Variants in ZNF385C observed in about 807,000 individuals in gnomAD.
ZNF385C encodes the protein CTD-2132N18.2.
A neutral mutation model predicts 35.4 loss-of-function variants in ZNF385C; 28 were observed. The ratio of observed to expected loss-of-function variants is 0.79; its 90% CI spans 0.59 to 1.08. The LOEUF is 1.08. ZNF385C is among the 50% of genes least tolerant of loss of function. The probability of loss-of-function intolerance (pLI) is 0.00; values close to 1 mark genes in which losing one functional copy is unlikely to be tolerated. For missense variants in ZNF385C, 605 were observed against 595.6 expected (o/e 1.02, Z -0.16); for synonymous variants, 248 against 248.2 (o/e 1.00, Z 0.01).
intron 1 of ZNF385C, among the ~76,000 whole-genome samples, chr17:42,080,086 A>G (rs2053732457): frequency 1.3e-5 from 2 of 152,082 alleles, no homozygotes; most frequent in Admixed American, 1.3e-4. Flanking sequence ...GAGAGGCCAG[A>G]GCTGGAAGAA....
chr17:42,031,841 T>C, intron 4 of ZNF385C, 57 bp from the exon 5 acceptor site: 1 of 1,529,882 alleles, frequency 6.5e-7, no homozygotes, highest in Middle Eastern at 2.0e-4. Context: ...ATGCCCCATC[T>C]GTGAACTGGA....
rs1171023790 is a variant in ZNF385C at position 42,063,212 on chromosome 17, G to A, written c.-2-154C>T. Among the ~76,000 whole-genome samples, 4 of 152,284 alleles carry A rather than the reference G, an allele frequency of 2.6e-5. No homozygotes were observed. The South Asian group carries it at 8.3e-4, about 32-fold the overall frequency. On this transcript the variant is annotated intron_variant, in intron 1 of 8. Transcript: ENST00000692273. ...GAGGATGGTGGAAGGGCGCATAATG[G>A]GGTCTATTTCAAGCAAAGCAGCATT...
At chr17:42,077,802 T>C (rs2053700950) in intron 1 of ZNF385C, among the ~76,000 whole-genome samples, 1 of 152,090 alleles carries the variant, frequency 6.6e-6, no homozygotes, top group Admixed American at 6.5e-5. Context: ...ACCCCACCCA[T>C]CATGGGTTCT....
chr17:42,056,818 C>T (rs540788889), intron 2 of ZNF385C, among the ~76,000 whole-genome samples: 7 of 152,256 alleles, frequency 4.6e-5, no homozygotes, highest in African/African-American at 1.4e-4. Flanking sequence ...TGAGACGTGC[C>T]TTTCACCTTC....
chr17:42,043,560 G>A (rs149429564), intron 2 of ZNF385C: 66 of 432,392 alleles, frequency 1.5e-4, no homozygotes, highest in Non-Finnish European at 5.4e-5. Context: ...CTGCCGGTGG[G>A]AGACTGGAGA....
At chr17:42,035,897 G>T (rs372648023) in intron 3 of ZNF385C, among the ~76,000 whole-genome samples, 1 of 152,150 alleles carries the variant, frequency 6.6e-6, no homozygotes, top group Non-Finnish European at 1.5e-5. Context: ...GCCAGGGGAG[G>T]TGGGGGGCCA....
chr17:42,054,956 C>T (rs2053349699), intron 2 of ZNF385C, among the ~76,000 whole-genome samples: 1 of 152,042 alleles, frequency 6.6e-6, no homozygotes, highest in Admixed American at 6.6e-5. Context: ...CCTCTCCATT[C>T]ACTCCTTCCT....
rs555950773 is a variant in ZNF385C, at chr17:42,098,049, G to T, written c.-3+361C>A. Among the ~76,000 whole-genome samples, 160 of 152,288 alleles carry T rather than the reference G, an allele frequency of 1.1e-3. 2 individuals are homozygous for T. The highest frequency in any genetic ancestry group is 1.8e-3 in the Non-Finnish European group (123 of 68,002). Reference sequence around the variant, plus strand: ...TAGGGTGGGGAAGAGGCTGCCCTTGGATGAGGCATGGCGCACTCTCAGTCA... The same window carrying T: ...TAGGGTGGGGAAGAGGCTGCCCTTGTATGAGGCATGGCGCACTCTCAGTCA... On this transcript the variant is annotated intron_variant, in intron 1 of 8. Coordinates refer to ENST00000692273, the MANE Select transcript of ZNF385C (RefSeq NM_001392013.1).
intron 1 of ZNF385C, among the ~76,000 whole-genome samples, chr17:42,090,631 A>G (rs2143952634): frequency 6.6e-6 from 1 of 150,688 alleles, no homozygotes; most frequent in South Asian, 2.2e-4. Flanking sequence ...ACGGTGGCTC[A>G]CGCCTGTAAT....
chr17:42,050,009 T>G lies in ZNF385C; in HGVS notation c.251-12124A>C, dbSNP rs1422705654. ...ATAAACAGGTCAAATTCCATTGACA[T>G]TCTCCCCACCTCAACCTCAAGGAAA... On this transcript the variant is annotated intron_variant, in intron 2 of 8. Transcript: ENST00000692273. The surrounding 1 kb of genome is among the most constrained non-coding windows in gnomAD (Gnocchi z 5.6). 6.6e-6 allele frequency among the ~76,000 whole-genome samples: 1 copy of G among 152,212 alleles called. No homozygotes were observed. Among genetic ancestry groups the G allele is most frequent in the African/African-American group, 2.4e-5 (1 of 41,448 alleles).
At chr17:42,093,212 C>T (rs2053881084) in intron 1 of ZNF385C, among the ~76,000 whole-genome samples, 1 of 148,826 alleles carries the variant, frequency 6.7e-6, no homozygotes, top group South Asian at 2.1e-4. Flanking sequence ...GGGTGGGGAG[C>T]ACAGCTGTGG....
At chr17:42,083,035 T>G (rs1219887268) in intron 1 of ZNF385C, among the ~76,000 whole-genome samples, 1 of 151,582 alleles carries the variant, frequency 6.6e-6, no homozygotes, top group Non-Finnish European at 1.5e-5. Context: ...CAAGATTGCG[T>G]CACTGCACTC....
intron 2 of ZNF385C, chr17:42,040,220 A>C (rs2052981809): frequency 8.1e-7 from 1 of 1,231,442 alleles, no homozygotes; most frequent in South Asian, 4.1e-5. Context: ...CCGGGGTAGG[A>C]GTCCTGTAGG....
intron 2 of ZNF385C, among the ~76,000 whole-genome samples, chr17:42,052,632 G>C (rs1403053288): frequency 6.6e-6 from 1 of 152,160 alleles, no homozygotes; most frequent in Non-Finnish European, 1.5e-5. Flanking sequence ...TATACCCAGA[G>C]AGACAGATGC....
intron 6 of ZNF385C, 23 bp from the exon 7 acceptor site, chr17:42,028,269 T>C: frequency 2.6e-6 from 4 of 1,515,326 alleles, no homozygotes; most frequent in East Asian, 2.3e-5. Flanking sequence ...GAAGGCAGTC[T>C]CTCAGCAGCA....
intron 1 of ZNF385C, among the ~76,000 whole-genome samples, chr17:42,096,228 C>T (rs1424676046): frequency 1.3e-5 from 2 of 152,230 alleles, no homozygotes; most frequent in East Asian, 3.9e-4. Context: ...CGTAGGGGTG[C>T]ACACACTATT....
intron 8 of ZNF385C, 111 bp from the exon 9 acceptor site, chr17:42,027,244 T>C: frequency 1.0e-6 from 1 of 996,580 alleles, no homozygotes; most frequent in Non-Finnish European, 1.5e-6. Flanking sequence ...CTTTTAGAGT[T>C]CCAAACCTAA....
At chr17:42,070,147 A>T (rs1411952536) in intron 1 of ZNF385C, among the ~76,000 whole-genome samples, 2 of 152,128 alleles carry the variant, frequency 1.3e-5, no homozygotes, top group African/African-American at 4.8e-5. Context: ...GATCGAGACC[A>T]TCCTGGCTAA....
chr17:42,089,699 C>G (rs2053844998), intron 1 of ZNF385C, among the ~76,000 whole-genome samples: 1 of 152,148 alleles, frequency 6.6e-6, no homozygotes, highest in Non-Finnish European at 1.5e-5. Flanking sequence ...CCCAGTCAAT[C>G]ACACAATGGC....
Sources: gnomAD v4.1 joint callset for allele counts (sites outside exome capture counted in the v4.1 genomes callset) on GRCh38, gnomAD v4.1.1 for gene constraint, Gnocchi (gnomAD v3.1) non-coding constraint, MANE v1.5 for transcripts, NCBI Gene and HGNC (gene_info 2026-07-23, HGNC 2026-07-21) for gene names.